The following PDE10A variants were observed in gnomAD, a reference collection of about 807,000 sequenced individuals.
PDE10A encodes phosphodiesterase 10A.
Under a neutral mutation model 97.7 loss-of-function variants are expected in PDE10A, and 39 were observed. The observed-to-expected ratio is 0.40, with a 90% CI of 0.31 to 0.52. PDE10A has a LOEUF of 0.52. Among genes scored for constraint, PDE10A ranks in the 20% least tolerant of loss-of-function variants. The pLI, the probability that PDE10A is intolerant of heterozygous loss-of-function variation, is 0.56. For synonymous variants in PDE10A, 371 were observed against 376.8 expected, an observed-to-expected ratio of 0.98 and a Z score of 0.18; for missense variants, 731 against 1,047.8, an observed-to-expected ratio of 0.70 and a Z score of 4.17.
chr6:165,467,597 C>T (rs1426065420), intron 3 of PDE10A, among the ~76,000 whole-genome samples: 1 of 152,172 alleles, frequency 6.6e-6, no homozygotes. Flanking sequence ...GTTTGCTGAA[C>T]ATTTTAAGCC....
intron 13 of PDE10A, among the ~76,000 whole-genome samples, chr6:165,407,559 T>TA (rs1700224076): frequency 6.6e-6 from 1 of 152,218 alleles, no homozygotes; most frequent in African/African-American, 2.4e-5. Context: ...CCATCTGGTA[T>TA]AAAAAAGATA....
intron 1 of PDE10A, among the ~76,000 whole-genome samples, chr6:165,794,233 T>A (rs2128464198): frequency 6.9e-6 from 1 of 145,460 alleles, no homozygotes. Context: ...ATACACTCCC[T>A]CCCACACGCA....
intron 1 of PDE10A, among the ~76,000 whole-genome samples, chr6:165,640,671 G>C (rs1789085957): frequency 6.6e-6 from 1 of 152,166 alleles, no homozygotes; most frequent in African/African-American, 2.4e-5. Flanking sequence ...ATTCCTATCT[G>C]GATGTCAAGT....
At chr6:165,826,851 G>A (rs1016118147) in intron 1 of PDE10A, among the ~76,000 whole-genome samples, 1 of 151,968 alleles carries the variant, frequency 6.6e-6, no homozygotes, top group Non-Finnish European at 1.5e-5. Context: ...CGGAGGGACA[G>A]GAGGTGGCAC....
At position 165,359,407 on chromosome 6, in the gene PDE10A, C is replaced by T. The variant is rs562323373; in HGVS notation, c.2784-15905G>A. Among the ~76,000 whole-genome samples, 73 of 152,254 alleles carry T rather than the reference C, an allele frequency of 4.8e-4. 1 individual carries two copies. The highest frequency in any genetic ancestry group is 1.6e-3 in the African/African-American group (66 of 41,546). ...GAACAGACAGTGCTTTGAATACGTC[C>T]ATGTTTTTGCTCTCCATGATTTCTG... On this transcript the variant is annotated intron_variant, in intron 18 of 21. Transcript: ENST00000539869.
intron 15 of PDE10A, among the ~76,000 whole-genome samples, chr6:165,394,510 C>A (rs1448048865): frequency 6.6e-6 from 1 of 152,084 alleles, no homozygotes; most frequent in Non-Finnish European, 1.5e-5. Flanking sequence ...CTATTATGAA[C>A]AGTGCCACAA....
At chr6:165,943,269 A>T (rs1562809920) in intron 1 of PDE10A, among the ~76,000 whole-genome samples, 1 of 118,192 alleles carries the variant, frequency 8.5e-6, no homozygotes, top group Admixed American at 7.8e-5. Flanking sequence ...GAAGGAAGGA[A>T]GGAAGGAAAG....
intron 1 of PDE10A, among the ~76,000 whole-genome samples, chr6:165,617,084 G>C (rs898339969): frequency 2.6e-5 from 4 of 152,168 alleles, no homozygotes; most frequent in African/African-American, 9.7e-5. Context: ...CAAATGCACA[G>C]TGCTTTCTCC....
At chr6:165,889,094 A>G (rs1224471858) in intron 1 of PDE10A, among the ~76,000 whole-genome samples, 2 of 152,230 alleles carry the variant, frequency 1.3e-5, no homozygotes, top group Non-Finnish European at 2.9e-5. Context: ...AAAAACTAAG[A>G]AGTAACATTT....
intron 1 of PDE10A, among the ~76,000 whole-genome samples, chr6:165,697,085 AC>A (rs2128442952): frequency 6.6e-6 from 1 of 152,340 alleles, no homozygotes; most frequent in Non-Finnish European, 1.5e-5. Flanking sequence ...TCATGGAAGT[AC>A]CAGAAATGAG....
intron 2 of PDE10A, among the ~76,000 whole-genome samples, chr6:165,526,703 C>A (rs1353926724): frequency 6.6e-6 from 1 of 152,180 alleles, no homozygotes; most frequent in African/African-American, 2.4e-5. Flanking sequence ...AGCTGCTGTA[C>A]CAGATGTGGT....
At chr6:165,372,970 A>C (rs9459400) in intron 18 of PDE10A, among the ~76,000 whole-genome samples, 67,995 of 133,424 alleles carry the variant, frequency 0.51, 17,349 homozygotes, top group African/African-American at 0.69. Flanking sequence ...CAAAAACAAG[A>C]AATGGGGAAA....
At chr6:165,774,822 CTTTTTTTTCT>C (rs1778124525) in intron 1 of PDE10A, 1 of 70,438 alleles carries the variant, frequency 1.4e-5, no homozygotes, top group Non-Finnish European at 2.6e-5. Flanking sequence ...AGTTTTATTA[CTTTTTTTTCT>C]TTTTTTTTTT....
intron 1 of PDE10A, among the ~76,000 whole-genome samples, chr6:165,632,964 A>G (rs570132920): frequency 3.3e-5 from 5 of 152,220 alleles, no homozygotes; most frequent in African/African-American, 1.2e-4. Context: ...GGGCATGATT[A>G]AAGCATCACC....
intron 1 of PDE10A, among the ~76,000 whole-genome samples, chr6:165,602,271 C>T (rs1370236485): frequency 1.3e-5 from 2 of 152,182 alleles, no homozygotes; most frequent in African/African-American, 4.8e-5. Flanking sequence ...AGTTCTAATC[C>T]TGCCTTGGCC....
In PDE10A at chr6:165,333,142, T is replaced by C. The variant is rs369557884; in HGVS notation, c.3066-15A>G. On this transcript the variant is annotated splice_polypyrimidine_tract_variant and intron_variant, in intron 21 of 21. Transcript: ENST00000539869. The stretch of plus-strand genomic sequence containing the variant: ...TGAGATTATCCCTAGGGATAAAAGA[T>C]GCAGTTTCAGGAGAAGCTGAATAAA... 2.1e-6 allele frequency: 3 copies of C among 1,447,228 alleles called. No individual in the cohort carries two copies. Among genetic ancestry groups the C allele is most frequent in the South Asian group, 2.3e-5 (2 of 87,844 alleles). The allele number at this position is 1,447,228 out of a possible 1,614,324, so 89.6% of individuals were successfully genotyped here.
intron 3 of PDE10A, among the ~76,000 whole-genome samples, chr6:165,480,643 A>C (rs1243402880): frequency 1.3e-5 from 2 of 152,158 alleles, no homozygotes; most frequent in Admixed American, 1.3e-4. Flanking sequence ...AAACCAAAAC[A>C]AAACAGAACT....
chr6:165,426,644 T>G (rs754375525), intron 10 of PDE10A, among the ~76,000 whole-genome samples: 33 of 152,138 alleles, frequency 2.2e-4, no homozygotes, highest in Non-Finnish European at 3.8e-4. Context: ...ATTAAAATCT[T>G]TTGTGCCTCA....
At chr6:165,959,663 C>G (rs1784299456) in intron 1 of PDE10A, among the ~76,000 whole-genome samples, 1 of 152,100 alleles carries the variant, frequency 6.6e-6, no homozygotes, top group South Asian at 2.1e-4. Context: ...GTTAAAGCTG[C>G]GGGTGAGAGA....
Sources: gnomAD v4.1 joint callset for allele counts (sites outside exome capture counted in the v4.1 genomes callset) on GRCh38, gnomAD v4.1.1 for gene constraint, MANE v1.5 for transcripts, NCBI Gene and HGNC (gene_info 2026-07-23, HGNC 2026-07-21) for gene names.